The following LRSAM1 variants were observed in gnomAD, a reference collection of about 807,000 sequenced individuals.
LRSAM1 encodes E3 ubiquitin-protein ligase LRSAM1.
LRSAM1 carries 96 observed loss-of-function variants against 118.1 expected under a neutral mutation model. The ratio of observed to expected loss-of-function variants is 0.81; its 90% confidence interval spans 0.69 to 0.96. The LOEUF (loss-of-function observed/expected upper bound fraction) is 0.96, where lower values mean the gene tolerates loss of function less well. Among genes scored for constraint, LRSAM1 ranks in the 40% least tolerant of loss-of-function variants. The pLI, the probability that LRSAM1 is intolerant of heterozygous loss-of-function variation, is 0.00. For synonymous variants in LRSAM1, 322 were observed against 364.2 expected, an observed-to-expected ratio of 0.88 and a Z score of 1.32; for missense variants, 804 against 915.5, an observed-to-expected ratio of 0.88 and a Z score of 1.57.
chr9:127,456,900 A>G (rs1220666282), intron 5 of LRSAM1, among the ~76,000 whole-genome samples: 8 of 151,914 alleles, frequency 5.3e-5, no homozygotes. Context: ...AAATAGCAGT[A>G]GATGACCTGG....
chr9:127,490,167 G>A (rs1376622239), intron 19 of LRSAM1, among the ~76,000 whole-genome samples: 6 of 152,242 alleles, frequency 3.9e-5, no homozygotes, highest in East Asian at 3.8e-4. Flanking sequence ...TGAAGTGAGC[G>A]TCAGGCTATG....
rs545930137 is a variant in LRSAM1, at chr9:127,466,777, C to T, written c.529-963C>T. 3.7e-3 allele frequency among the ~76,000 whole-genome samples: 568 copies of T among 151,664 alleles called. 2 individuals carry two copies. Among genetic ancestry groups the T allele is most frequent in the Non-Finnish European group, 6.6e-3 (450 of 67,934 alleles). ...CCTGTAATTCCAGCACTTTGGGAGGCGGGCGAATTGCTTGGGCCCAAGACT... is the reference window on the plus strand; with the variant it reads ...CCTGTAATTCCAGCACTTTGGGAGGTGGGCGAATTGCTTGGGCCCAAGACT... On this transcript the variant is annotated intron_variant, in intron 9 of 25. Transcript: ENST00000300417.
intron 25 of LRSAM1, among the ~76,000 whole-genome samples, chr9:127,501,684 A>G (rs544494139): frequency 6.6e-5 from 10 of 152,272 alleles, no homozygotes; most frequent in Admixed American, 1.3e-4. Flanking sequence ...GTGAGCCAAG[A>G]TCCCACCACT....
At chr9:127,463,624 T>A (rs969942646) in intron 9 of LRSAM1, among the ~76,000 whole-genome samples, 20 of 152,144 alleles carry the variant, frequency 1.3e-4, no homozygotes, top group African/African-American at 4.8e-4. Flanking sequence ...GACCCCTTTT[T>A]AACTTAATTA....
chr9:127,459,805 C>A (rs1310274299), intron 7 of LRSAM1, among the ~76,000 whole-genome samples: 1 of 152,172 alleles, frequency 6.6e-6, no homozygotes, highest in Non-Finnish European at 1.5e-5. Context: ...GTGATCCACC[C>A]GTCTTGGCCT....
In LRSAM1 at chr9:127,453,957, C is replaced by T. The variant is rs116862814; in HGVS notation, c.-32-539C>T. On this transcript the variant is annotated intron_variant, in intron 2 of 25. Coordinates refer to ENST00000300417, the MANE Select transcript of LRSAM1 (RefSeq NM_001005373.4). ...CTCCATGAAACTAGGAAGACGCAGT[C>T]CCTGGCTCCATGGAACTCGCTAGAA... The T allele has an allele frequency of 2.2e-4, 41 of 183,910 alleles. No individual in the cohort carries two copies. In the East Asian group the frequency reaches 5.0e-3, roughly 23 times the overall value. The allele number at this position is 183,910 out of a possible 1,614,324, so 11.4% of individuals were successfully genotyped here. A position where few individuals can be genotyped will look rare whatever the true frequency, so the allele number is the denominator to read the frequency against.
At position 127,492,880 on chromosome 9, in the gene LRSAM1, G is replaced by T; in HGVS notation, c.1582G>T (p.Glu528Ter). 6.2e-7 allele frequency: 1 copy of T among 1,614,074 alleles called. No homozygotes were observed. Among genetic ancestry groups the T allele is most frequent in the Non-Finnish European group, 8.5e-7 (1 of 1,180,042 alleles). Reference protein sequence around the residue: ...LLKEKQQREEELREILTELEA... With the variant: ...LLKEKQQREE ...CAAAGAGAAGCAGCAGCGAGAGGAA[G>T]AGCTCCGGGAAATCCTGGTATGTGT... The change falls in exon 21 of 26, where the codon GAG becomes TAG. Residue 528 changes from glutamate to a stop codon, truncating the protein, a stop_gained. Coordinates refer to ENST00000300417, the MANE Select transcript of LRSAM1 (RefSeq NM_001005373.4). LOFTEE classifies it high-confidence loss of function.
At chr9:127,481,262 T>C in intron 15 of LRSAM1, 35 bp downstream of exon 15, 1 of 1,607,586 alleles carries the variant, frequency 6.2e-7, no homozygotes. Flanking sequence ...AGCATTTTTT[T>C]TTTTTTTTTG....
chr9:127,498,789 T>C (rs1162270121), intron 24 of LRSAM1, among the ~76,000 whole-genome samples: 1 of 152,170 alleles, frequency 6.6e-6, no homozygotes, highest in Non-Finnish European at 1.5e-5. Flanking sequence ...CCAGGTGTGG[T>C]GGCTCACACC....
chr9:127,497,253 G>A lies in LRSAM1; in HGVS notation c.1831G>A (p.Val611Met), dbSNP rs771783337. ...TCTGCACTTCCTTGAACTGTCACAG[G>A]TGGGCGTCTCAGAAGCTGGCCTGCA... is the stretch of plus-strand genomic sequence containing the variant. ...SQMSPGDLAK[V>M]GVSEAGLQHE... The change falls in exon 24 of 26, where the codon GTG (valine) becomes ATG (methionine). Residue 611 changes from valine to methionine, a missense_variant and splice_region_variant. Transcript: ENST00000300417. The A allele has an allele frequency of 5.2e-5, 84 of 1,613,028 alleles. 1 individual carries two copies. In the South Asian group the frequency reaches 7.5e-4, roughly 14 times the overall value.
Position 127,500,374 on chromosome 9 carries a change from A to AAAAAAAAAG in LRSAM1, c.1913-635_1913-634insAAAAAAAGA, listed in dbSNP as rs1306368505. ...AGACTGTCTCAAAAAAAAAAAAAAA[A>AAAAAAAAAG]AGAGACTTAGCATTTTGTAAGGGCT... On this transcript the variant is annotated intron_variant, in intron 24 of 25. Coordinates refer to ENST00000300417, the MANE Select transcript of LRSAM1 (RefSeq NM_001005373.4). 8.0e-5 allele frequency among the ~76,000 whole-genome samples: 12 copies of AAAAAAAAAG among 150,732 alleles called. 1 individual carries two copies. Among genetic ancestry groups the AAAAAAAAAG allele is most frequent in the African/African-American group, 2.7e-4 (11 of 41,142 alleles).
intron 2 of LRSAM1, chr9:127,454,003 T>C (rs1403225077): frequency 3.9e-6 from 1 of 254,762 alleles, no homozygotes; most frequent in Non-Finnish European, 7.7e-6. Flanking sequence ...CCTTACCCCA[T>C]GGAACTCACT....
At position 127,451,626 on chromosome 9, in the gene LRSAM1, G is replaced by T. The variant is rs1343974725; in HGVS notation, c.-232G>T. 8.3e-6 allele frequency: 4 copies of T among 481,300 alleles called. No individual in the cohort carries two copies. Among genetic ancestry groups the T allele is most frequent in the African/African-American group, 7.8e-5 (4 of 51,436 alleles). 29.8% of individuals were successfully genotyped at this position (481,300 alleles called of 1,614,324 possible). On this transcript the variant is annotated 5_prime_UTR_variant, in exon 1 of 26. Transcript: ENST00000300417. ...GCTCCGGAGAAGTCTGAGAAGGGTG[G>T]CTCCGGTGATCCCAGCCCTAGCTGT...
At chr9:127,461,307 A>C in intron 8 of LRSAM1, 50 bp downstream of exon 8, 1 of 1,560,976 alleles carries the variant, frequency 6.4e-7, no homozygotes. Flanking sequence ...GCTCTGGGCC[A>C]TCCTGGCCGG....
intron 24 of LRSAM1, among the ~76,000 whole-genome samples, chr9:127,497,882 C>A (rs867831654): frequency 6.6e-6 from 1 of 152,258 alleles, no homozygotes; most frequent in Admixed American, 6.5e-5. Flanking sequence ...GTTGAGGAAC[C>A]TCCGGATCCA....
chr9:127,479,471 G>A lies in LRSAM1; in HGVS notation c.869G>A (p.Ser290Asn), dbSNP rs1045875749. 1.9e-6 allele frequency: 3 copies of A among 1,613,986 alleles called. No homozygotes were observed. The highest frequency in any genetic ancestry group is 1.3e-5 in the African/African-American group (1 of 74,942). The change falls in exon 13 of 26, where the codon AGC (serine) becomes AAC (asparagine). Residue 290 changes from serine to asparagine, a missense_variant. By Grantham distance (46) the Ser-to-Asn change is conservative. Transcript: ENST00000300417. ...EHTQLLQQSS[S>N]QKDEILQTVK... ...ACCCAGCTCCTTCAGCAGAGCAGCA[G>A]CCAGAAGGATGAGATCCTTCAGACG...
chr9:127,475,278 G>T (rs746932979), intron 11 of LRSAM1, among the ~76,000 whole-genome samples: 1 of 152,030 alleles, frequency 6.6e-6, no homozygotes, highest in Non-Finnish European at 1.5e-5. Context: ...ATCACTTGAG[G>T]CCAGGAGTTT....
At position 127,455,708 on chromosome 9, in the gene LRSAM1, G is replaced by A. The variant is rs1284393214; in HGVS notation, c.174+88G>A. ...GGGACTTTGAGGAGCTGTCTTCCCG[G>A]CGTAGACACCTCCTTTCTCTCTGCT... On this transcript the variant is annotated intron_variant, in intron 5 of 25. Coordinates refer to ENST00000300417, the MANE Select transcript of LRSAM1 (RefSeq NM_001005373.4). 6 of 1,241,772 alleles carry A rather than the reference G, an allele frequency of 4.8e-6. No homozygotes were observed. The Admixed American group carries it at 1.0e-4, about 21-fold the overall frequency. 76.9% of individuals were successfully genotyped at this position (1,241,772 alleles called of 1,614,324 possible).
At chr9:127,460,452 G>A (rs996172018) in intron 7 of LRSAM1, among the ~76,000 whole-genome samples, 3 of 152,288 alleles carry the variant, frequency 2.0e-5, no homozygotes, top group East Asian at 1.9e-4. Context: ...TGGATCACAC[G>A]GCCTTAGGGC....
Sources: allele counts gnomAD v4.1 joint callset (sites outside exome capture counted in the v4.1 genomes callset), GRCh38; gene constraint gnomAD v4.1.1; transcripts MANE v1.5; gene names NCBI Gene and HGNC (gene_info 2026-07-23, HGNC 2026-07-21).